S100A4: variants seen among roughly 807,000 people sequenced by gnomAD.
The protein encoded by S100A4 is protein S100-A4.
Under a neutral mutation model 6.3 loss-of-function variants are expected in S100A4, and 4 were observed. That is an observed-to-expected ratio of 0.64 (90% CI 0.31 to 1.46). The LOEUF (loss-of-function observed/expected upper bound fraction) is 1.46. S100A4 is among the 40% of genes most tolerant of loss of function. The pLI is 0.07. For missense variants in S100A4, 108 were observed against 120.8 expected (o/e 0.89, Z 0.50); for synonymous variants, 44 against 47.6 (o/e 0.92, Z 0.32).
chr1:153,544,660 G>A lies in S100A4; in HGVS notation c.135C>T (p.Phe45=). The A allele has an allele frequency of 6.2e-7, 1 of 1,614,196 alleles. No homozygotes were observed. Among genetic ancestry groups the A allele is most frequent in the South Asian group, 1.1e-5 (1 of 91,086 alleles). ...KELLTRELPS[F]LGKRTDEAAF... is the part of the protein sequence containing the mutation. ...TCAGGCACTACCCACTCACCCCCAAGAAGCTGGGCAGCTCCCGGGTCAGCA... is the reference window on the plus strand; with the variant it reads ...TCAGGCACTACCCACTCACCCCCAAAAAGCTGGGCAGCTCCCGGGTCAGCA... Residue 45 remains phenylalanine, a synonymous_variant, in exon 2 of 3, where the codon TTC becomes TTT. Coordinates refer to ENST00000368716, the MANE Select transcript of S100A4 (RefSeq NM_002961.3).
intron 1 of S100A4, 148 bp from the exon 2 acceptor site, chr1:153,544,957 C>T (rs1250086038): frequency 3.2e-6 from 3 of 927,864 alleles, no homozygotes; most frequent in South Asian, 3.2e-5. Context: ...GGCCCCCGCA[C>T]CTGGCTGGGA....
intron 2 of S100A4, 85 bp from the exon 3 acceptor site, chr1:153,544,008 A>ACTCT: frequency 1.4e-6 from 2 of 1,457,980 alleles, no homozygotes; most frequent in Non-Finnish European, 1.9e-6. Context: ...CCCAGACCAG[A>ACTCT]GTTCAGGGAG....
chr1:153,545,147 C>G, intron 1 of S100A4: 1 of 225,236 alleles, frequency 4.4e-6, no homozygotes, highest in Non-Finnish European at 9.1e-6. Context: ...AAAGGCCCCG[C>G]CCTTGCCATT....
At chr1:153,545,030 G>A in intron 1 of S100A4, 1 of 514,504 alleles carries the variant, frequency 1.9e-6, no homozygotes, top group Non-Finnish European at 3.4e-6. Flanking sequence ...CGCTGCGCAA[G>A]CTCTGGAGAT....
At chr1:153,544,508 T>A in intron 2 of S100A4, 146 bp downstream of exon 2, 1 of 996,982 alleles carries the variant, frequency 1.0e-6, no homozygotes, top group Non-Finnish European at 1.5e-6. Context: ...GGCCAGGCAG[T>A]GAGTGGTGGT....
At position 153,543,795 on chromosome 1, in the gene S100A4, A is replaced by C. The variant is rs1665463292; in HGVS notation, c.270T>G (p.Phe90Leu). The stretch of plus-strand genomic sequence containing the variant: ...TGGGCTGCTTATCTGGGAAGCCTTC[A>C]AAGAATTCGTTACACATCATGGCGA... ...SCIAMMCNEF[F>L]EGFPDKQPRK... Residue 90 changes from phenylalanine to leucine, a missense_variant, in exon 3 of 3, where the codon TTT becomes TTG. Transcript: ENST00000368716. The C allele has an allele frequency of 6.2e-7, 1 of 1,614,124 alleles. No homozygotes were observed.
Position 153,543,741 on chromosome 1 carries a change from A to G in S100A4, c.*18T>C, listed in dbSNP as rs775421152. ...AGGGCCCCAGCTGGCAGACCCCCCA[A>G]CCACATCAGAGGAGTTTTCATTTCT... On this transcript the variant is annotated 3_prime_UTR_variant, in exon 3 of 3. Coordinates refer to ENST00000368716, the MANE Select transcript of S100A4 (RefSeq NM_002961.3). The G allele has an allele frequency of 5.0e-6, 8 of 1,610,568 alleles. No homozygotes were observed. The Admixed American group carries it at 1.2e-4, about 24-fold the overall frequency.
rs1665502296 is a variant in S100A4, at chr1:153,544,675, C to T, written c.120G>A (p.Arg40=). The part of the protein sequence containing the change: ...NKSELKELLT[R]ELPSFLGKRT... ...TCACCCCCAAGAAGCTGGGCAGCTCCCGGGTCAGCAGCTCCTTTAGTTCTG... is the reference window on the plus strand; with the variant it reads ...TCACCCCCAAGAAGCTGGGCAGCTCTCGGGTCAGCAGCTCCTTTAGTTCTG... Residue 40 remains arginine, a synonymous_variant, in exon 2 of 3, where the codon CGG becomes CGA. Transcript: ENST00000368716. 4 of 1,614,102 alleles carry T rather than the reference C, an allele frequency of 2.5e-6. No homozygotes were observed. The African/African-American group carries it at 5.3e-5, about 22-fold the overall frequency.
intron 2 of S100A4, among the ~76,000 whole-genome samples, chr1:153,544,339 A>G (rs1665487137): frequency 6.6e-6 from 1 of 152,234 alleles, no homozygotes; most frequent in African/African-American, 2.4e-5. Context: ...TGTTGGAGTG[A>G]TGGCAAGAGT....
rs1254829309 is a variant in S100A4, at chr1:153,544,731, T to C, written c.64A>G (p.Lys22Glu). 4 of 1,614,110 alleles carry C rather than the reference T, an allele frequency of 2.5e-6. No individual in the cohort carries two copies. Among genetic ancestry groups the C allele is most frequent in the Non-Finnish European group, 3.4e-6 (4 of 1,180,048 alleles). Residue 22 changes from lysine (K) to glutamate (E), a missense_variant, in exon 2 of 3, where the codon AAA becomes GAA. Lys to Glu is a moderately conservative substitution (Grantham distance 56). Transcript: ENST00000368716. Reference protein sequence around the residue: ...MVSTFHKYSGKEGDKFKLNKS... With the variant: ...MVSTFHKYSGEEGDKFKLNKS... ...TTGAGCTTGAACTTGTCACCCTCTT[T>C]GCCCGAGTACTTGTGGAAGGTGGAC...
Position 153,544,780 on chromosome 1 carries a change from C to T in S100A4, c.15G>A (p.Leu5=), listed in dbSNP as rs1380984641. MACP[L]EKALDVMVST... is the part of the protein sequence containing the mutation. ...ACACCATCACATCCAGGGCCTTCTC[C>T]AGAGGGCACGCCATGACAGCAGTCA... Residue 5 remains leucine, a synonymous_variant, in exon 2 of 3, where the codon CTG becomes CTA. Transcript: ENST00000368716. 20 of 1,614,204 alleles carry T rather than the reference C, an allele frequency of 1.2e-5. No homozygotes were observed. The highest frequency in any genetic ancestry group is 1.7e-5 in the Non-Finnish European group (20 of 1,180,020).
chr1:153,543,798 G>T lies in S100A4; in HGVS notation c.267C>A (p.Phe89Leu), dbSNP rs1208172208. The T allele has an allele frequency of 1.9e-6, 3 of 1,614,120 alleles. No individual in the cohort carries two copies. Among genetic ancestry groups the T allele is most frequent in the South Asian group, 2.2e-5 (2 of 91,076 alleles). ...GCTGCTTATCTGGGAAGCCTTCAAAGAATTCGTTACACATCATGGCGATGC... is the reference window on the plus strand; with the variant it reads ...GCTGCTTATCTGGGAAGCCTTCAAATAATTCGTTACACATCATGGCGATGC... ...LSCIAMMCNEFFEGFPDKQPR... is the reference protein window; with the variant it reads ...LSCIAMMCNELFEGFPDKQPR... The change falls in exon 3 of 3, where the codon TTC becomes TTA. Residue 89 changes from phenylalanine (F) to leucine (L), a missense_variant. Transcript: ENST00000368716.
rs200099267 is a variant in S100A4 at position 153,543,844 on chromosome 1, T to C, written c.221A>G (p.Glu74Gly). The stretch of plus-strand genomic sequence containing the variant: ...GATGCAGGACAGGAAGACACAGTAC[T>C]CTTGGAAGTCCACCTCGTTGTCCCT... ...SNRDNEVDFQ[E>G]YCVFLSCIAM... is the part of the protein sequence containing the mutation. Residue 74 changes from glutamate to glycine, a missense_variant, in exon 3 of 3, where the codon GAG (glutamate) becomes GGG (glycine). Coordinates refer to ENST00000368716, the MANE Select transcript of S100A4 (RefSeq NM_002961.3). 64 of 1,614,114 alleles carry C rather than the reference T, an allele frequency of 4.0e-5. No individual in the cohort carries two copies. Among genetic ancestry groups the C allele is most frequent in the Non-Finnish European group, 5.1e-5 (60 of 1,180,038 alleles).
At chr1:153,544,520 T>C (rs1329797386) in intron 2 of S100A4, 134 bp downstream of exon 2, 6 of 1,125,714 alleles carry the variant, frequency 5.3e-6, no homozygotes. Flanking sequence ...AGTGGTGGTG[T>C]TCAATGTGTT....
At position 153,543,919 on chromosome 1, in the gene S100A4, C is replaced by A; in HGVS notation, c.146G>T (p.Arg49Met). ...CTTCTGGAAAGCAGCTTCATCTGTC[C>A]TTTTCTGGAGGGAGAAGAGGCTACA... ...TRELPSFLGKRTDEAAFQKLM... is the reference protein window; with the variant it reads ...TRELPSFLGKMTDEAAFQKLM... Residue 49 changes from arginine (R) to methionine (M), a missense_variant, in exon 3 of 3, where the codon AGG becomes ATG. By Grantham distance (91) the Arg-to-Met change is moderately conservative (BLOSUM62 -1). Transcript: ENST00000368716. 1 of 1,614,020 alleles carries A rather than the reference C, an allele frequency of 6.2e-7. No individual in the cohort carries two copies. The highest frequency in any genetic ancestry group is 8.5e-7 in the Non-Finnish European group (1 of 1,180,008).
chr1:153,544,221 A>G (rs539715032), intron 2 of S100A4, among the ~76,000 whole-genome samples: 1 of 152,366 alleles, frequency 6.6e-6, no homozygotes, highest in Admixed American at 6.5e-5. Context: ...TATGTTTGAT[A>G]CAAATATACA....
chr1:153,545,498 A>C (rs1665534133), intron 1 of S100A4: 1 of 152,546 alleles, frequency 6.6e-6, no homozygotes, highest in South Asian at 2.1e-4. Flanking sequence ...CAGCGTGTGC[A>C]AGCCCACATC....
rs1665462464 is a variant in S100A4, at chr1:153,543,781, T to C, written c.284A>G (p.Asp95Gly). 4 of 1,614,048 alleles carry C rather than the reference T, an allele frequency of 2.5e-6. No individual in the cohort carries two copies. Among genetic ancestry groups the C allele is most frequent in the Non-Finnish European group, 3.4e-6 (4 of 1,179,980 alleles). Residue 95 changes from aspartate (D) to glycine (G), a missense_variant, in exon 3 of 3, where the codon GAT becomes GGT. Asp to Gly is a moderately conservative substitution (Grantham distance 94). Transcript: ENST00000368716. ...MCNEFFEGFP[D>G]KQPRKK is the part of the protein sequence containing the mutation. ...TTTTCATTTCTTCCTGGGCTGCTTA[T>C]CTGGGAAGCCTTCAAAGAATTCGTT...
chr1:153,543,681 G>C lies in S100A4; in HGVS notation c.*78C>G. 7.1e-7 allele frequency: 1 copy of C among 1,400,124 alleles called. No homozygotes were observed. 86.7% of individuals were successfully genotyped at this position (1,400,124 alleles called of 1,614,324 possible). A position where few individuals can be genotyped will look rare whatever the true frequency, so the allele number is the denominator to read the frequency against. ...ATCAAGCACGTGTCTGAAGGAGCCA[G>C]GGTGGAAAAAAAAAAGTGCCCACTG... On this transcript the variant is annotated 3_prime_UTR_variant, in exon 3 of 3. Transcript: ENST00000368716.
Sources: gnomAD v4.1 joint callset for allele counts (sites outside exome capture counted in the v4.1 genomes callset) on GRCh38, gnomAD v4.1.1 for gene constraint, MANE v1.5 for transcripts, NCBI Gene and HGNC (gene_info 2026-07-23, HGNC 2026-07-21) for gene names.